The following PARD3 variants were observed in gnomAD, a reference collection of about 807,000 sequenced individuals.
PARD3 encodes the protein partitioning defective 3 homolog.
Under a neutral mutation model 155.4 loss-of-function variants are expected in PARD3, and 75 were observed. That is an observed-to-expected ratio of 0.48 (90% CI 0.40 to 0.58). The LOEUF is 0.58. PARD3 is among the 20% of genes least tolerant of loss of function. The pLI is 0.00. For synonymous variants in PARD3, 576 were observed against 610.5 expected, an observed-to-expected ratio of 0.94 and a Z score of 0.83; for missense variants, 1,642 against 1,721.7, an observed-to-expected ratio of 0.95 and a Z score of 0.82.
At chr10:34,608,683 TGCCACCAC>T (rs1564411251) in intron 2 of PARD3, among the ~76,000 whole-genome samples, 1 of 151,738 alleles carries the variant, frequency 6.6e-6, no homozygotes, top group East Asian at 2.0e-4. Context: ...TACAGGTGCC[TGCCACCAC>T]GCTCGCCTAA....
intron 1 of PARD3, among the ~76,000 whole-genome samples, chr10:34,808,574 T>C (rs945458193): frequency 3.9e-5 from 6 of 152,050 alleles, no homozygotes; most frequent in African/African-American, 1.4e-4. Context: ...TAGCATGCCA[T>C]CTCCCCCGAT....
At chr10:34,636,603 A>T (rs897703634) in intron 2 of PARD3, among the ~76,000 whole-genome samples, 5 of 152,214 alleles carry the variant, frequency 3.3e-5, no homozygotes, top group African/African-American at 1.2e-4. Context: ...AGTAACCATG[A>T]TGCTTACGAT....
intron 22 of PARD3, among the ~76,000 whole-genome samples, chr10:34,250,154 T>G (rs112539593): frequency 0.043 from 6,340 of 149,024 alleles, 515 homozygotes; most frequent in African/African-American, 0.14. Flanking sequence ...CTGCTCCCCC[T>G]CCACACACAC....
intron 21 of PARD3, among the ~76,000 whole-genome samples, chr10:34,272,371 A>C (rs1955659304): frequency 6.6e-6 from 1 of 152,230 alleles, no homozygotes; most frequent in African/African-American, 2.4e-5. Context: ...ATGAAAAAAT[A>C]AGTACAGACT....
chr10:34,472,039 G>A (rs1196611491), intron 3 of PARD3, among the ~76,000 whole-genome samples: 1 of 152,132 alleles, frequency 6.6e-6, no homozygotes, highest in Non-Finnish European at 1.5e-5. Flanking sequence ...TCTCCAATGT[G>A]AAAGCAAATT....
Position 34,344,808 on chromosome 10 carries a change from A to T in PARD3, c.2219-2992T>A, listed in dbSNP as rs1247427088. ...TGTCTGACCCCAACAAAAGCTAAGG[A>T]AATCCTAATCAGGTGTGACTCATGA... On this transcript the variant is annotated intron_variant, in intron 15 of 24. Coordinates refer to ENST00000374788, the MANE Select transcript of PARD3 (RefSeq NM_001184785.2). The T allele has an allele frequency of 1.0e-5, 10 of 985,312 alleles. No individual in the cohort carries two copies. The East Asian group carries it at 9.1e-4, about 89-fold the overall frequency. The allele number at this position is 985,312 out of a possible 1,614,324, so 61.0% of individuals were successfully genotyped here. A position where few individuals can be genotyped will look rare whatever the true frequency, so the allele number is the denominator to read the frequency against.
At chr10:34,567,282 T>A (rs2086032177) in intron 2 of PARD3, among the ~76,000 whole-genome samples, 1 of 152,190 alleles carries the variant, frequency 6.6e-6, no homozygotes, top group African/African-American at 2.4e-5. Flanking sequence ...GTTCTAAAAA[T>A]AAATGCTAAT....
intron 1 of PARD3, among the ~76,000 whole-genome samples, chr10:34,797,812 T>C (rs1002677974): frequency 6.6e-6 from 1 of 152,196 alleles, no homozygotes; most frequent in Non-Finnish European, 1.5e-5. Flanking sequence ...TTCTGTTTAG[T>C]AGAAGTGGCT....
At chr10:34,553,980 G>C (rs552109864) in intron 2 of PARD3, among the ~76,000 whole-genome samples, 4 of 152,148 alleles carry the variant, frequency 2.6e-5, no homozygotes, top group Non-Finnish European at 5.9e-5. Flanking sequence ...AGCAATTCCA[G>C]GCCAGGATAC....
At chr10:34,498,569 G>A (rs1369298523) in intron 3 of PARD3, among the ~76,000 whole-genome samples, 2 of 152,150 alleles carry the variant, frequency 1.3e-5, no homozygotes, top group Non-Finnish European at 2.9e-5. Context: ...ATGAGGCCAG[G>A]AGTTCGACAC....
At chr10:34,345,021 T>C (rs1837255349) in intron 15 of PARD3, 2 of 985,120 alleles carry the variant, frequency 2.0e-6, no homozygotes, top group Non-Finnish European at 1.2e-6. Flanking sequence ...GGTGCCAGGA[T>C]AGAATAAGAT....
At chr10:34,751,943 C>T (rs930493664) in intron 1 of PARD3, among the ~76,000 whole-genome samples, 1 of 152,006 alleles carries the variant, frequency 6.6e-6, no homozygotes, top group African/African-American at 2.4e-5. Context: ...GAATTGTGAG[C>T]CTCTTTCTTT....
At chr10:34,170,675 G>A (rs1261027940) in intron 22 of PARD3, among the ~76,000 whole-genome samples, 3 of 152,136 alleles carry the variant, frequency 2.0e-5, no homozygotes, top group Admixed American at 1.3e-4. Flanking sequence ...GATGCAGGGG[G>A]AGAAAAGCCA....
intron 2 of PARD3, among the ~76,000 whole-genome samples, chr10:34,683,094 A>G (rs1315150121): frequency 1.3e-5 from 2 of 152,210 alleles, no homozygotes. Flanking sequence ...TTGCAGCCAC[A>G]TAGATGGAAC....
intron 22 of PARD3, among the ~76,000 whole-genome samples, chr10:34,154,569 G>A (rs983800248): frequency 6.6e-6 from 1 of 152,188 alleles, no homozygotes; most frequent in Non-Finnish European, 1.5e-5. Flanking sequence ...CAGTTTAAAA[G>A]TAATTCCAAT....
chr10:34,222,424 A>G (rs1952351522), intron 22 of PARD3, among the ~76,000 whole-genome samples: 1 of 152,224 alleles, frequency 6.6e-6, no homozygotes, highest in South Asian at 2.1e-4. Flanking sequence ...GACTGACAGC[A>G]TGAGGCCCCA....
rs549623381 is a variant in PARD3, at chr10:34,176,888, G to T, written c.3420-45305C>A. ...CAAAATTGTCAATGGAAAGTGATTT[G>T]TAATTGTGCACAATCAAGAGTGTTT... On this transcript the variant is annotated intron_variant, in intron 22 of 24. Coordinates refer to ENST00000374788, the MANE Select transcript of PARD3 (RefSeq NM_001184785.2). Among the ~76,000 whole-genome samples, 7 of 152,204 alleles carry T rather than the reference G, an allele frequency of 4.6e-5. No individual in the cohort carries two copies. In the South Asian group the frequency reaches 1.0e-3, roughly 23 times the overall value.
At chr10:34,551,942 T>C (rs903998824) in intron 2 of PARD3, among the ~76,000 whole-genome samples, 5 of 152,138 alleles carry the variant, frequency 3.3e-5, no homozygotes, top group Admixed American at 6.6e-5. Flanking sequence ...CTGCCAAAGG[T>C]TGTCTGTCTT....
intron 2 of PARD3, among the ~76,000 whole-genome samples, chr10:34,574,473 G>C (rs1293702197): frequency 6.6e-6 from 1 of 152,150 alleles, no homozygotes; most frequent in Non-Finnish European, 1.5e-5. Context: ...GAGGAGCATG[G>C]AAATCCTCCA....
Sources: gnomAD v4.1 joint callset for allele counts (sites outside exome capture counted in the v4.1 genomes callset) on GRCh38, gnomAD v4.1.1 for gene constraint, MANE v1.5 for transcripts, NCBI Gene and HGNC (gene_info 2026-07-23, HGNC 2026-07-21) for gene names.